The following CYLD variants were observed in gnomAD, a reference collection of about 807,000 sequenced individuals.
The protein encoded by CYLD is CYLD lysine 63 deubiquitinase, also known as ubiquitin carboxyl-terminal hydrolase CYLD.
A neutral mutation model predicts 104.5 loss-of-function variants in CYLD; 26 were observed. That is an observed-to-expected ratio of 0.25 (90% CI 0.18 to 0.35). CYLD has a LOEUF of 0.35. Ranked by LOEUF, CYLD falls within the 10% of genes least tolerant of loss-of-function variation. CYLD has a pLI of 1.00. For synonymous variants in CYLD, 385 were observed against 399.9 expected, an observed-to-expected ratio of 0.96 and a Z score of 0.45; for missense variants, 703 against 1,136.1, an observed-to-expected ratio of 0.62 and a Z score of 5.48.
chr16:50,757,422 C>A (rs1363522672), intron 5 of CYLD, among the ~76,000 whole-genome samples: 1 of 152,140 alleles, frequency 6.6e-6, no homozygotes, highest in Non-Finnish European at 1.5e-5. Context: ...TAATTTATTG[C>A]AAATTGAATT....
intron 3 of CYLD, 70 bp downstream of exon 3, chr16:50,750,272 A>G: frequency 6.5e-7 from 1 of 1,542,906 alleles, no homozygotes; most frequent in Non-Finnish European, 8.9e-7. Flanking sequence ...TTGTATGCAC[A>G]TACATATTTT....
intron 10 of CYLD, 90 bp from the exon 11 acceptor site, chr16:50,782,235 T>C (rs1970289601): frequency 1.2e-5 from 13 of 1,116,142 alleles, no homozygotes; most frequent in Non-Finnish European, 1.6e-5. Context: ...TACAAAAACA[T>C]TTTAAAATGA....
intron 18 of CYLD, among the ~76,000 whole-genome samples, chr16:50,795,975 C>T (rs115042932): frequency 6.6e-6 from 1 of 152,096 alleles, no homozygotes; most frequent in Non-Finnish European, 1.5e-5. Context: ...GTGAAGTGTG[C>T]TGGGTGGCTT....
At chr16:50,782,544 G>A (rs1597059370) in intron 11 of CYLD, 78 bp downstream of exon 11, 20 of 1,435,188 alleles carry the variant, frequency 1.4e-5, no homozygotes, top group East Asian at 9.2e-5. Flanking sequence ...GTGTGTGTGC[G>A]TGTGAGTGTG....
chr16:50,765,676 A>G (rs1968424232), intron 5 of CYLD, among the ~76,000 whole-genome samples: 1 of 152,218 alleles, frequency 6.6e-6, no homozygotes, highest in African/African-American at 2.4e-5. Flanking sequence ...GCAAAGGAAT[A>G]TTTCCTGAAG....
chr16:50,776,175 T>A lies in CYLD; in HGVS notation c.923-4T>A. The A allele has an allele frequency of 1.2e-6, 2 of 1,604,376 alleles. No homozygotes were observed. Among genetic ancestry groups the A allele is most frequent in the South Asian group, 2.2e-5 (2 of 90,892 alleles). On this transcript the variant is annotated splice_polypyrimidine_tract_variant and splice_region_variant and intron_variant, in intron 6 of 18. Coordinates refer to ENST00000427738, the MANE Select transcript of CYLD (RefSeq NM_001378743.1). Reference sequence around the variant, plus strand: ...ATCTTTAAAAAACATGCTTACTGTTTCAGAGAGTGTGACGCAGGAAAGGAG... The same window carrying A: ...ATCTTTAAAAAACATGCTTACTGTTACAGAGAGTGTGACGCAGGAAAGGAG...
rs1400529240 is a variant in CYLD, at chr16:50,794,388, T to C, written c.2646T>C (p.Asp882=). 4.3e-6 allele frequency: 7 copies of C among 1,614,214 alleles called. No homozygotes were observed. In the Middle Eastern group the frequency reaches 4.9e-4, roughly 114 times the overall value. Residue 882 remains aspartate (D), a synonymous_variant, in exon 18 of 19, where the codon GAT becomes GAC. Transcript: ENST00000427738. The surrounding 1 kb of genome is among the most constrained non-coding windows in gnomAD (Gnocchi z 4.1). ...YVAFVKYGKD[D]SAWLFFDSMA... ...CTTTTGTGAAGTATGGGAAGGACGATTCTGCCTGGCTCTTCTTTGACAGCA... is the reference window on the plus strand; with the variant it reads ...CTTTTGTGAAGTATGGGAAGGACGACTCTGCCTGGCTCTTCTTTGACAGCA...
At chr16:50,786,805 A>G (rs775700673) in intron 12 of CYLD, 50 bp from the exon 13 acceptor site, 3 of 1,252,302 alleles carry the variant, frequency 2.4e-6, no homozygotes, top group African/African-American at 1.5e-5. Context: ...AAGATGTGTT[A>G]TATAATTTAA....
intron 5 of CYLD, among the ~76,000 whole-genome samples, chr16:50,765,725 A>G (rs975262669): frequency 2.6e-5 from 4 of 152,214 alleles, no homozygotes; most frequent in African/African-American, 9.6e-5. Context: ...CATGAATGAT[A>G]AAAAAGCAAA....
At position 50,800,423 on chromosome 16, in the gene CYLD, T is replaced by G. The variant is rs1228069201; in HGVS notation, c.*3915T>G. On this transcript the variant is annotated 3_prime_UTR_variant, in exon 19 of 19. Transcript: ENST00000427738. ...GTGGGTACTTGGATGTTTATCATACTGTTTCTCTGTGTTTACATACTAATT... is the reference window on the plus strand; with the variant it reads ...GTGGGTACTTGGATGTTTATCATACGGTTTCTCTGTGTTTACATACTAATT... 4 of 233,290 alleles carry G rather than the reference T, an allele frequency of 1.7e-5. No homozygotes were observed. Among genetic ancestry groups the G allele is most frequent in the Non-Finnish European group, 2.5e-5 (3 of 118,044 alleles). 14.5% of individuals were successfully genotyped at this position (233,290 alleles called of 1,614,324 possible). A position where few individuals can be genotyped will look rare whatever the true frequency, so the allele number is the denominator to read the frequency against.
chr16:50,752,429 T>A (rs567091408), intron 4 of CYLD, among the ~76,000 whole-genome samples: 1 of 152,116 alleles, frequency 6.6e-6, no homozygotes, highest in African/African-American at 2.4e-5. Flanking sequence ...AATACCTGAG[T>A]AGAGGAAAAC....
At chr16:50,760,957 T>C (rs1052428624) in intron 5 of CYLD, among the ~76,000 whole-genome samples, 48 of 152,222 alleles carry the variant, frequency 3.2e-4, no homozygotes, top group African/African-American at 1.2e-3. Flanking sequence ...AGTGTGTTAC[T>C]AACTTTTTTC....
chr16:50,788,572 G>A (rs970602542), intron 14 of CYLD, among the ~76,000 whole-genome samples: 4 of 152,130 alleles, frequency 2.6e-5, no homozygotes, highest in African/African-American at 9.7e-5. Context: ...AGGGAGGCTG[G>A]GTGGTGCCAT....
Position 50,794,168 on chromosome 16 carries a change from C to T in CYLD, c.2470-44C>T. ...GTCTTGAACTCCTGACCTCGTGATC[C>T]ACCAGCCTCGGCCTAATGACATTCT... On this transcript the variant is annotated intron_variant, in intron 17 of 18. Transcript: ENST00000427738. This position sits in a 1 kb window ranked among gnomAD's most constrained non-coding sequence, Gnocchi z 4.1. 2 of 1,551,394 alleles carry T rather than the reference C, an allele frequency of 1.3e-6. No homozygotes were observed. The highest frequency in any genetic ancestry group is 8.9e-7 in the Non-Finnish European group (1 of 1,124,036).
Position 50,794,617 on chromosome 16 carries a change from G to GT in CYLD, c.2686+190dup. The GT allele has an allele frequency of 6.9e-6, 4 of 577,914 alleles. No individual in the cohort carries two copies. Among genetic ancestry groups the GT allele is most frequent in the Non-Finnish European group, 5.9e-6 (2 of 339,114 alleles). The allele number at this position is 577,914 out of a possible 1,614,324, so 35.8% of individuals were successfully genotyped here. ...TAGCTGAACTAAGGAATAATATGCT[G>GT]TGTTTTTTTTTTTCCTTTTTTGAGA... On this transcript the variant is annotated intron_variant, in intron 18 of 18. Transcript: ENST00000427738. This position sits in a 1 kb window ranked among gnomAD's most constrained non-coding sequence, Gnocchi z 4.1.
Position 50,794,282 on chromosome 16 carries a change from G to A in CYLD, c.2540G>A (p.Trp847Ter). 6.2e-7 allele frequency: 1 copy of A among 1,614,156 alleles called. No homozygotes were observed. The highest frequency in any genetic ancestry group is 8.5e-7 in the Non-Finnish European group (1 of 1,180,022). The change falls in exon 18 of 19, where the codon TGG (tryptophan) becomes TAG (stop). Residue 847 changes from tryptophan to a stop codon, truncating the protein, a stop_gained. Transcript: ENST00000427738. LOFTEE classifies it high-confidence loss of function. This position sits in a 1 kb window ranked among gnomAD's most constrained non-coding sequence, Gnocchi z 4.1. Reference sequence around the variant, plus strand: ...TCACTTCCCAAAGACTTACCCGACTGGGACTGGAGACACGGCTGCATCCCT... The same window carrying A: ...TCACTTCCCAAAGACTTACCCGACTAGGACTGGAGACACGGCTGCATCCCT... Reference protein sequence around the residue: ...PVSLPKDLPDWDWRHGCIPCQ... With the variant: ...PVSLPKDLPD
At position 50,798,069 on chromosome 16, in the gene CYLD, G is replaced by C. The variant is rs1972190113; in HGVS notation, c.*1561G>C. The C allele has an allele frequency of 1.3e-5, 3 of 232,286 alleles. No individual in the cohort carries two copies. In the East Asian group the frequency reaches 1.8e-4, roughly 14 times the overall value. The allele number at this position is 232,286 out of a possible 1,614,324, so 14.4% of individuals were successfully genotyped here. On this transcript the variant is annotated 3_prime_UTR_variant, in exon 19 of 19. Transcript: ENST00000427738. ...GGCTAGCCCTGCCTCCATCTCCCTT[G>C]GGTAAAATGAAGGGTGTGGGGTAAA...
intron 18 of CYLD, chr16:50,795,453 C>A (rs1429086966): frequency 1.5e-6 from 1 of 684,238 alleles, no homozygotes; most frequent in Non-Finnish European, 2.7e-6. Context: ...CCTGCCTCTA[C>A]CTATAAGGAG....
Position 50,775,159 on chromosome 16 carries a change from C to T in CYLD, c.914-7C>T. 4 of 1,596,906 alleles carry T rather than the reference C, an allele frequency of 2.5e-6. No individual in the cohort carries two copies. The highest frequency in any genetic ancestry group is 3.4e-6 in the Non-Finnish European group (4 of 1,178,050). On this transcript the variant is annotated splice_region_variant and splice_polypyrimidine_tract_variant and intron_variant, in intron 5 of 18. Coordinates refer to ENST00000427738, the MANE Select transcript of CYLD (RefSeq NM_001378743.1). ...CTGTGGGTGATATCGTTTTTGCTGA[C>T]ACACAGCTTTATCAGGTATGACTCC...
Sources: gnomAD v4.1 joint callset for allele counts (sites outside exome capture counted in the v4.1 genomes callset) on GRCh38, gnomAD v4.1.1 for gene constraint, Gnocchi (gnomAD v3.1) non-coding constraint, MANE v1.5 for transcripts, NCBI Gene and HGNC (gene_info 2026-07-23, HGNC 2026-07-21) for gene names.